IGSF5: variants seen among roughly 807,000 people sequenced by gnomAD.
The protein encoded by IGSF5 is immunoglobulin superfamily member 5, also known as immunoglobulin superfamily 5 like.
Under a neutral mutation model 39.4 loss-of-function variants are expected in IGSF5, and 41 were observed. The ratio of observed to expected loss-of-function variants is 1.04; its 90% CI spans 0.81 to 1.35. The LOEUF (loss-of-function observed/expected upper bound fraction) is 1.35. Among genes scored for constraint, IGSF5 ranks in the 40% most tolerant of loss-of-function variants. IGSF5 has a pLI of 0.00. For synonymous variants in IGSF5, 183 were observed against 175.3 expected (o/e 1.04, Z -0.34); for missense variants, 487 against 494.6 (o/e 0.98, Z 0.15).
At position 39,745,649 on chromosome 21, in the gene IGSF5, A is replaced by C. The variant is rs569198820; in HGVS notation, c.17+123A>C. 6.2e-5 allele frequency: 40 copies of C among 647,182 alleles called. No individual in the cohort carries two copies. The East Asian group carries it at 9.9e-4, about 16-fold the overall frequency. 40.1% of individuals were successfully genotyped at this position (647,182 alleles called of 1,614,324 possible). A position where few individuals can be genotyped will look rare whatever the true frequency, so the allele number is the denominator to read the frequency against. ...CCTCTAGTTGGCCCTTGGTTTCCCC[A>C]AGAAAATTGAAAGTGGAAGCTGGCT... is the stretch of plus-strand genomic sequence containing the variant. On this transcript the variant is annotated intron_variant, in intron 1 of 8. Transcript: ENST00000380588.
At chr21:39,789,274 G>A (rs78330786) in intron 6 of IGSF5, among the ~76,000 whole-genome samples, 3,606 of 152,300 alleles carry the variant, frequency 0.024, 134 homozygotes, top group African/African-American at 0.082. Flanking sequence ...AGGATAATGG[G>A]TAGAGGATAA....
At chr21:39,793,040 A>C (rs1018917951) in intron 7 of IGSF5, among the ~76,000 whole-genome samples, 1 of 151,994 alleles carries the variant, frequency 6.6e-6, no homozygotes, top group Non-Finnish European at 1.5e-5. Flanking sequence ...GCTGCCTCCC[A>C]TGTGTATTCC....
At chr21:39,727,037 C>T in the IGSF5 span, among the ~76,000 whole-genome samples, 2 of 152,190 alleles carry the variant, frequency 1.3e-5, no homozygotes, top group East Asian at 3.9e-4. Context: ...TAACAACAGC[C>T]AGTGTGGTGC....
chr21:39,763,911 A>C (rs540764188), intron 2 of IGSF5, among the ~76,000 whole-genome samples: 3 of 152,164 alleles, frequency 2.0e-5, no homozygotes, highest in Non-Finnish European at 4.4e-5. Flanking sequence ...AAGTTCAAAG[A>C]GATCTTGGAT....
intron 8 of IGSF5, among the ~76,000 whole-genome samples, chr21:39,795,370 C>A (rs1325404508): frequency 6.6e-6 from 1 of 152,004 alleles, no homozygotes; most frequent in Non-Finnish European, 1.5e-5. Flanking sequence ...CACGGACAGC[C>A]AATAGCACAT....
At chr21:39,777,025 G>T (rs1306112872) in intron 4 of IGSF5, among the ~76,000 whole-genome samples, 1 of 152,198 alleles carries the variant, frequency 6.6e-6, no homozygotes, top group Non-Finnish European at 1.5e-5. Flanking sequence ...GAACAGCCTG[G>T]TGGGACAGGA....
Position 39,745,535 on chromosome 21 carries a change from G to A in IGSF5, c.17+9G>A, listed in dbSNP as rs762779790. On this transcript the variant is annotated intron_variant, in intron 1 of 8. Coordinates refer to ENST00000380588, the MANE Select transcript of IGSF5 (RefSeq NM_001080444.2). Reference sequence around the variant, plus strand: ...ATGGGTCAGAAGGAAAGGTAAGGGCGCATGCGTGGGCGACTGTTGAGTAGA... The same window carrying A: ...ATGGGTCAGAAGGAAAGGTAAGGGCACATGCGTGGGCGACTGTTGAGTAGA... 1.1e-4 allele frequency: 79 copies of A among 716,892 alleles called. No individual in the cohort carries two copies. The highest frequency in any genetic ancestry group is 2.3e-4 in the Middle Eastern group (1 of 4,362). The allele number at this position is 716,892 out of a possible 1,614,324, so 44.4% of individuals were successfully genotyped here. A position where few individuals can be genotyped will look rare whatever the true frequency, so the allele number is the denominator to read the frequency against.
chr21:39,770,842 G>GAA, intron 3 of IGSF5, 74 bp from the exon 4 acceptor site: 71 of 916,988 alleles, frequency 7.7e-5, no homozygotes, highest in South Asian at 1.1e-4. Context: ...AAAAAAAAAA[G>GAA]AAAAAAAAAA....
chr21:39,720,842 G>A, the IGSF5 span, among the ~76,000 whole-genome samples: 17 of 152,230 alleles, frequency 1.1e-4, no homozygotes, highest in South Asian at 1.2e-3. Flanking sequence ...GGAATTCTCT[G>A]TATGATCATA....
At chr21:39,749,476 GT>G (rs2079994241) in intron 2 of IGSF5, among the ~76,000 whole-genome samples, 1 of 152,226 alleles carries the variant, frequency 6.6e-6, no homozygotes, top group Non-Finnish European at 1.5e-5. Flanking sequence ...GCCTCCCAAA[GT>G]GCTGGGATTA....
rs181095925 is a variant in IGSF5 at position 39,801,778 on chromosome 21, A to G, written c.*421A>G. 24 of 154,134 alleles carry G rather than the reference A, an allele frequency of 1.6e-4. No homozygotes were observed. The highest frequency in any genetic ancestry group is 7.7e-4 in the Admixed American group (12 of 15,542). 9.5% of individuals were successfully genotyped at this position (154,134 alleles called of 1,614,324 possible). ...TGTAGGGGTATTATTACATATTATC[A>G]GTGAAATACGAGTATAAAAATTAGG... On this transcript the variant is annotated 3_prime_UTR_variant, in exon 9 of 9. Transcript: ENST00000380588.
At chr21:39,731,769 G>T in the IGSF5 span, among the ~76,000 whole-genome samples, 1 of 152,128 alleles carries the variant, frequency 6.6e-6, no homozygotes, top group Non-Finnish European at 1.5e-5. Flanking sequence ...CTTGATGTTG[G>T]CCTTATGAGA....
At chr21:39,777,585 G>T (rs2080147435) in intron 4 of IGSF5, among the ~76,000 whole-genome samples, 1 of 152,032 alleles carries the variant, frequency 6.6e-6, no homozygotes, top group African/African-American at 2.4e-5. Flanking sequence ...CACCATTTTT[G>T]GGAGAGCCTT....
At chr21:39,776,905 G>T (rs2080144394) in intron 4 of IGSF5, among the ~76,000 whole-genome samples, 2 of 152,154 alleles carry the variant, frequency 1.3e-5, no homozygotes, top group Non-Finnish European at 1.5e-5. Flanking sequence ...TGTTATATAT[G>T]CAAACTTCAG....
chr21:39,715,841 GGAT>G, the IGSF5 span, among the ~76,000 whole-genome samples: 1 of 152,150 alleles, frequency 6.6e-6, no homozygotes, highest in Non-Finnish European at 1.5e-5. Context: ...AGAATTCACC[GGAT>G]TACTGAGTTA....
the IGSF5 span, among the ~76,000 whole-genome samples, chr21:39,728,168 A>G: frequency 1.3e-5 from 2 of 152,036 alleles, no homozygotes; most frequent in Non-Finnish European, 2.9e-5. Context: ...GTGTCCCCAA[A>G]AAGATATGTT....
At chr21:39,741,786 A>G (rs1430121331), upstream of IGSF5, among the ~76,000 whole-genome samples, 2 of 152,156 alleles carry the variant, frequency 1.3e-5, no homozygotes, top group African/African-American at 2.4e-5. Flanking sequence ...AAGATCCAGG[A>G]CTGTAAACCA....
chr21:39,746,469 C>T (rs949450847), intron 2 of IGSF5, among the ~76,000 whole-genome samples, 171 bp downstream of exon 2: 1 of 152,206 alleles, frequency 6.6e-6, no homozygotes, highest in African/African-American at 2.4e-5. Flanking sequence ...CAATTATCTT[C>T]AGCTCAAAAT....
intron 5 of IGSF5, among the ~76,000 whole-genome samples, chr21:39,779,729 A>G (rs1470072279): frequency 2.0e-5 from 3 of 152,238 alleles, no homozygotes; most frequent in African/African-American, 7.2e-5. Flanking sequence ...TTCAAAAAGA[A>G]GAAAATCTTG....
Sources: gnomAD v4.1 joint callset for allele counts (sites outside exome capture counted in the v4.1 genomes callset) on GRCh38, gnomAD v4.1.1 for gene constraint, MANE v1.5 for transcripts, NCBI Gene and HGNC (gene_info 2026-07-23, HGNC 2026-07-21) for gene names.